The following WDR49 variants were observed in gnomAD, a reference collection of about 807,000 sequenced individuals.
The protein encoded by WDR49 is cilia- and flagella-associated protein 337.
WDR49 carries 107 observed loss-of-function variants against 119.5 expected under a neutral mutation model. The ratio of observed to expected loss-of-function variants is 0.90; its 90% CI spans 0.77 to 1.05. The LOEUF (loss-of-function observed/expected upper bound fraction) is 1.05, where lower values mean the gene tolerates loss of function less well. Ranked by LOEUF, WDR49 falls within the 50% of genes least tolerant of loss-of-function variation. WDR49 has a pLI of 0.00. For synonymous variants in WDR49, 425 were observed against 418.8 expected, an observed-to-expected ratio of 1.01 and a Z score of -0.18; for missense variants, 1,240 against 1,220.5, an observed-to-expected ratio of 1.02 and a Z score of -0.24.
At chr3:167,613,231 ATCTAT>A (rs1321401751) in intron 5 of WDR49, among the ~76,000 whole-genome samples, 2 of 152,212 alleles carry the variant, frequency 1.3e-5, no homozygotes, top group Non-Finnish European at 2.9e-5. Flanking sequence ...GTATAACTGT[ATCTAT>A]TCTATCTTTA....
At chr3:167,617,897 A>G (rs952539615) in intron 5 of WDR49, among the ~76,000 whole-genome samples, 1 of 152,192 alleles carries the variant, frequency 6.6e-6, no homozygotes, top group African/African-American at 2.4e-5. Flanking sequence ...CCTCTAACCC[A>G]TGCTGAACAA....
intron 5 of WDR49, among the ~76,000 whole-genome samples, chr3:167,612,208 A>G (rs571704013): frequency 3.3e-5 from 5 of 152,210 alleles, no homozygotes; most frequent in Non-Finnish European, 7.3e-5. Context: ...ATACATAGAA[A>G]TTAAACAATA....
Position 167,554,650 on chromosome 3 carries a change from C to A in WDR49, c.1823G>T (p.Arg608Met). 1 of 1,469,998 alleles carries A rather than the reference C, an allele frequency of 6.8e-7. No homozygotes were observed. The allele number at this position is 1,469,998 out of a possible 1,614,324, so 91.1% of individuals were successfully genotyped here. ...YDYASWKTIG[R>M]AITVFRPQNF... ...AAAATAAAAACATTCTCCTTTTTAC[C>A]TTCCTATAGTTTTCCATGAGGCATA... Residue 608 changes from arginine (R) to methionine (M), a missense_variant and splice_region_variant, in exon 10 of 19, where the codon AGG becomes ATG. Transcript: ENST00000682715.
At chr3:167,618,918 A>G (rs574126363) in intron 5 of WDR49, among the ~76,000 whole-genome samples, 2 of 152,228 alleles carry the variant, frequency 1.3e-5, no homozygotes, top group Admixed American at 1.3e-4. Context: ...GGTATGGTTG[A>G]TTTTTTGGGA....
Position 167,560,147 on chromosome 3 carries a change from G to A in WDR49, c.1591C>T (p.His531Tyr). Reference sequence around the variant, plus strand: ...ATAGTGCTGATTTCTGCGTTGCCGTGGCAACCAGTAAACTGTTTGATTTTC... The same window carrying A: ...ATAGTGCTGATTTCTGCGTTGCCGTAGCAACCAGTAAACTGTTTGATTTTC... ...GQKIKQFTGC[H>Y]GNAEISTMAL... The change falls in exon 9 of 19, where the codon CAC becomes TAC. Residue 531 changes from histidine (H) to tyrosine (Y), a missense_variant. Physicochemically the swap from His to Tyr is moderately conservative, Grantham distance 83. Coordinates refer to ENST00000682715, the MANE Select transcript of WDR49 (RefSeq NM_001366157.1). 1 of 1,614,098 alleles carries A rather than the reference G, an allele frequency of 6.2e-7. No homozygotes were observed. The highest frequency in any genetic ancestry group is 8.5e-7 in the Non-Finnish European group (1 of 1,180,012).
chr3:167,480,984 G>A (rs1750698614), intron 18 of WDR49, among the ~76,000 whole-genome samples: 1 of 151,054 alleles, frequency 6.6e-6, no homozygotes, highest in Non-Finnish European at 1.5e-5. Context: ...AAAGCAGTCT[G>A]TCCCCATGGG....
chr3:167,536,922 G>T lies in WDR49; in HGVS notation c.1902C>A (p.His634Gln). Residue 634 changes from histidine to glutamine, a missense_variant, in exon 11 of 19, where the codon CAC becomes CAA. Transcript: ENST00000682715. ...ACGCAGCACACAAGATGTCATCATG[G>T]TGCTGTATACCTCCTTTCCATTCTT... ...QPEEWKGGIQHHDDILCAAFL... is the reference protein window; with the variant it reads ...QPEEWKGGIQQHDDILCAAFL... 2 of 1,572,446 alleles carry T rather than the reference G, an allele frequency of 1.3e-6. No individual in the cohort carries two copies. The highest frequency in any genetic ancestry group is 1.2e-5 in the South Asian group (1 of 83,680).
intron 2 of WDR49, among the ~76,000 whole-genome samples, chr3:167,641,828 T>C (rs1351493230): frequency 5.3e-5 from 8 of 151,514 alleles, no homozygotes; most frequent in African/African-American, 1.9e-4. Context: ...GTTAAACAAA[T>C]GAAAATACTC....
chr3:167,649,151 G>A (rs758186372), intron 2 of WDR49, among the ~76,000 whole-genome samples: 12 of 152,084 alleles, frequency 7.9e-5, no homozygotes, highest in Non-Finnish European at 1.8e-4. Context: ...AGGCAAGAAG[G>A]AAGATATAAG....
intron 18 of WDR49, among the ~76,000 whole-genome samples, chr3:167,488,255 A>C (rs1381699996): frequency 1.3e-5 from 2 of 152,116 alleles, no homozygotes; most frequent in East Asian, 3.9e-4. Flanking sequence ...ATACTGATGA[A>C]GCTGTAGGAT....
chr3:167,617,549 C>A (rs746632946), intron 5 of WDR49, among the ~76,000 whole-genome samples: 2 of 152,150 alleles, frequency 1.3e-5, no homozygotes, highest in Non-Finnish European at 2.9e-5. Context: ...AAGAAACAAA[C>A]CTTTAAAAAC....
At chr3:167,500,036 G>T in intron 18 of WDR49, 117 bp downstream of exon 18, 1 of 1,201,862 alleles carries the variant, frequency 8.3e-7, no homozygotes, top group Non-Finnish European at 1.1e-6. Flanking sequence ...ACCACACTTT[G>T]TTTCACTGCA....
intron 16 of WDR49, among the ~76,000 whole-genome samples, chr3:167,516,638 T>C (rs560810270): frequency 6.6e-6 from 1 of 152,078 alleles, no homozygotes; most frequent in Non-Finnish European, 1.5e-5. Context: ...CTGGGTCAAA[T>C]GGTATTTCTA....
chr3:167,623,399 A>T (rs969208689), intron 3 of WDR49, among the ~76,000 whole-genome samples: 1 of 152,120 alleles, frequency 6.6e-6, no homozygotes, highest in African/African-American at 2.4e-5. Context: ...AAAATCAATC[A>T]ATGTAATACT....
intron 16 of WDR49, among the ~76,000 whole-genome samples, chr3:167,516,407 T>C (rs1236754393): frequency 6.6e-6 from 1 of 152,064 alleles, no homozygotes; most frequent in Non-Finnish European, 1.5e-5. Context: ...GCTTCATCCA[T>C]GTCCCTACAA....
intron 7 of WDR49, among the ~76,000 whole-genome samples, chr3:167,580,713 A>G (rs920293123): frequency 2.0e-5 from 3 of 152,192 alleles, no homozygotes; most frequent in Non-Finnish European, 4.4e-5. Context: ...TTATTAATCA[A>G]GTCCTTTGAC....
At chr3:167,613,051 T>A (rs1254766861) in intron 5 of WDR49, among the ~76,000 whole-genome samples, 1 of 152,154 alleles carries the variant, frequency 6.6e-6, no homozygotes, top group Non-Finnish European at 1.5e-5. Flanking sequence ...TAGAGTGTAA[T>A]TGGATTGTTT....
At chr3:167,496,065 G>T (rs889850198) in intron 18 of WDR49, among the ~76,000 whole-genome samples, 1 of 152,004 alleles carries the variant, frequency 6.6e-6, no homozygotes, top group African/African-American at 2.4e-5. Flanking sequence ...TCTTCAGACT[G>T]AAGGAAAATG....
At chr3:167,503,376 C>T (rs566884391) in intron 17 of WDR49, among the ~76,000 whole-genome samples, 10 of 152,302 alleles carry the variant, frequency 6.6e-5, no homozygotes, top group Non-Finnish European at 1.3e-4. Flanking sequence ...AAGATGGTGG[C>T]GGGCTGCTTC....
Sources: allele counts gnomAD v4.1 joint callset (sites outside exome capture counted in the v4.1 genomes callset), GRCh38; gene constraint gnomAD v4.1.1; transcripts MANE v1.5; gene names NCBI Gene and HGNC (gene_info 2026-07-23, HGNC 2026-07-21).